The following CPVL variants were observed in gnomAD, a reference collection of about 807,000 sequenced individuals.
CPVL encodes carboxypeptidase vitellogenic like.
A neutral mutation model predicts 63.7 loss-of-function variants in CPVL; 51 were observed. That is an observed-to-expected ratio of 0.80 (90% CI 0.64 to 1.01). CPVL has a LOEUF of 1.01. Ranked by LOEUF, CPVL falls within the 50% of genes least tolerant of loss-of-function variation. The pLI is 0.00. For missense variants in CPVL, 530 were observed against 573.1 expected (o/e 0.92, Z 0.77); for synonymous variants, 195 against 206.0 (o/e 0.95, Z 0.46).
chr7:29,033,086 C>T (rs1223232458), intron 11 of CPVL, among the ~76,000 whole-genome samples: 8 of 152,116 alleles, frequency 5.3e-5, no homozygotes, highest in Non-Finnish European at 1.2e-4. Flanking sequence ...GGAAATCCTT[C>T]CTTTGCAAAG....
intron 9 of CPVL, among the ~76,000 whole-genome samples, chr7:29,070,617 T>C (rs2128574480): frequency 6.6e-6 from 1 of 152,258 alleles, no homozygotes; most frequent in Middle Eastern, 3.4e-3. Context: ...AAATTCTGAA[T>C]CCACACTTTG....
chr7:29,017,363 G>C lies in CPVL; in HGVS notation c.1320+13214C>G, dbSNP rs144148542. 7.6e-3 allele frequency among the ~76,000 whole-genome samples: 1,157 copies of C among 152,362 alleles called. 15 individuals carry two copies. Among genetic ancestry groups the C allele is most frequent in the African/African-American group, 0.026 (1,095 of 41,580 alleles). On this transcript the variant is annotated intron_variant, in intron 12 of 12. Coordinates refer to ENST00000265394, the MANE Select transcript of CPVL (RefSeq NM_031311.5). ...TAAAAAACCCAATCGGCTGGGCGTG[G>C]TGGCTCACGCCTGTAATCCCAGCAC...
At chr7:29,189,796 G>C (rs1562817280) in intron 1 of CPVL, among the ~76,000 whole-genome samples, 1 of 151,998 alleles carries the variant, frequency 6.6e-6, no homozygotes, top group East Asian at 1.9e-4. Flanking sequence ...CAAGCTAAGT[G>C]GCCAAATAGG....
chr7:29,184,151 T>TGATA (rs56102038), intron 4 of CPVL, among the ~76,000 whole-genome samples: 35,437 of 143,176 alleles, frequency 0.25, 4,479 homozygotes, highest in Admixed American at 0.28. Flanking sequence ...TACAGATAGA[T>TGATA]GATAGATAGA....
intron 12 of CPVL, among the ~76,000 whole-genome samples, chr7:28,996,617 TAG>T (rs544985406): frequency 6.3e-4 from 96 of 151,524 alleles, no homozygotes; most frequent in Non-Finnish European, 1.1e-3. Flanking sequence ...TTGAGCAGCA[TAG>T]AGTTAGAACA....
intron 12 of CPVL, among the ~76,000 whole-genome samples, chr7:28,998,155 T>G (rs1784276753): frequency 6.6e-6 from 1 of 152,236 alleles, no homozygotes; most frequent in African/African-American, 2.4e-5. Context: ...CTGCAGATTT[T>G]CATCCATATC....
intron 1 of CPVL, among the ~76,000 whole-genome samples, chr7:29,190,936 C>CA (rs1554357101): frequency 6.9e-6 from 1 of 144,918 alleles, no homozygotes; most frequent in African/African-American, 2.5e-5. Flanking sequence ...CCCCACCATG[C>CA]TTTTTTTTTT....
At chr7:29,112,647 A>AC (rs1171801237) in intron 3 of CPVL, 57 bp downstream of exon 3, 3 of 1,117,380 alleles carry the variant, frequency 2.7e-6, no homozygotes, top group Admixed American at 1.7e-5. Flanking sequence ...TAACATTTCT[A>AC]CCCTCAAACG....
chr7:29,187,091 T>C (rs1798807354), intron 1 of CPVL, among the ~76,000 whole-genome samples: 1 of 152,160 alleles, frequency 6.6e-6, no homozygotes, highest in Non-Finnish European at 1.5e-5. Flanking sequence ...GGAGAGTGAC[T>C]TTTCTATATC....
intron 7 of CPVL, among the ~76,000 whole-genome samples, chr7:29,085,915 G>A (rs1422257836): frequency 6.6e-6 from 1 of 152,172 alleles, no homozygotes; most frequent in African/African-American, 2.4e-5. Context: ...TGAATGATGA[G>A]GACAACAAAC....
At position 29,161,791 on chromosome 7, in the gene CPVL, T is replaced by C. The variant is rs533237062; in HGVS notation, c.-11+19499A>G. On this transcript the variant is annotated intron_variant, in intron 5 of 16. Transcript: ENST00000409850. ...ATTTGCAAATCATATGTAAAAGATT[T>C]ATCTATAGAATATATAAAGAGTTCT... 6.6e-5 allele frequency among the ~76,000 whole-genome samples: 10 copies of C among 152,354 alleles called. No homozygotes were observed. In the South Asian group the frequency reaches 2.1e-3, roughly 32 times the overall value.
At chr7:29,175,619 T>C (rs1443714793) in intron 5 of CPVL, among the ~76,000 whole-genome samples, 3 of 152,170 alleles carry the variant, frequency 2.0e-5, no homozygotes, top group Non-Finnish European at 4.4e-5. Flanking sequence ...TTTTTCCTCT[T>C]ATCTTTGTAG....
upstream of CPVL, chr7:29,146,672 A>T: frequency 6.4e-7 from 1 of 1,550,650 alleles, no homozygotes; most frequent in Non-Finnish European, 8.7e-7. Context: ...AGCGCTTCCC[A>T]TGCTGGAAGA....
intron 12 of CPVL, among the ~76,000 whole-genome samples, chr7:28,999,715 T>G (rs187066308): frequency 6.6e-6 from 1 of 152,304 alleles, no homozygotes; most frequent in Non-Finnish European, 1.5e-5. Context: ...ATGACCCTAA[T>G]GGCATTGTAA....
chr7:29,116,606 T>C (rs1170846129), intron 2 of CPVL, among the ~76,000 whole-genome samples: 1 of 152,248 alleles, frequency 6.6e-6, no homozygotes, highest in Admixed American at 6.5e-5. Context: ...CTAATCAGCA[T>C]GCATGCCAGA....
chr7:29,089,129 C>T (rs1301210924), intron 6 of CPVL, among the ~76,000 whole-genome samples: 1 of 152,106 alleles, frequency 6.6e-6, no homozygotes, highest in Non-Finnish European at 1.5e-5. Context: ...GTCTCATAAA[C>T]AGAATTTTAG....
intron 5 of CPVL, among the ~76,000 whole-genome samples, chr7:29,175,372 C>T (rs1797170331): frequency 6.6e-6 from 1 of 151,956 alleles, no homozygotes; most frequent in Non-Finnish European, 1.5e-5. Context: ...GAGGGGGTTT[C>T]ACCATATTGG....
chr7:29,027,777 G>A (rs1277047060), intron 12 of CPVL, among the ~76,000 whole-genome samples: 2 of 152,148 alleles, frequency 1.3e-5, no homozygotes, highest in Non-Finnish European at 2.9e-5. Context: ...AATCAAGGAG[G>A]TGAAAGATCT....
chr7:29,143,773 C>A (rs1355111263), intron 1 of CPVL, among the ~76,000 whole-genome samples: 1 of 152,214 alleles, frequency 6.6e-6, no homozygotes, highest in Non-Finnish European at 1.5e-5. Flanking sequence ...TTTGCTTTTT[C>A]AGGCTCCAAG....
Sources: gnomAD v4.1 joint callset for allele counts (sites outside exome capture counted in the v4.1 genomes callset) on GRCh38, gnomAD v4.1.1 for gene constraint, MANE v1.5 for transcripts, NCBI Gene and HGNC (gene_info 2026-07-23, HGNC 2026-07-21) for gene names.